The following AKAP6 variants were observed in gnomAD, a reference collection of about 807,000 sequenced individuals.
The protein encoded by AKAP6 is A-kinase anchor protein 6.
Under a neutral mutation model 188.5 loss-of-function variants are expected in AKAP6, and 58 were observed. The ratio of observed to expected loss-of-function variants is 0.31; its 90% CI spans 0.25 to 0.38. AKAP6 has a LOEUF of 0.38. Among genes scored for constraint, AKAP6 ranks in the 10% least tolerant of loss-of-function variants. The pLI, the probability that AKAP6 is intolerant of heterozygous loss-of-function variation, is 1.00. For synonymous variants in AKAP6, 989 were observed against 998.6 expected (o/e 0.99, Z 0.18); for missense variants, 2,710 against 2,740.0 (o/e 0.99, Z 0.24).
At chr14:32,421,102 A>G (rs1198899518) in intron 1 of AKAP6, among the ~76,000 whole-genome samples, 3 of 152,122 alleles carry the variant, frequency 2.0e-5, no homozygotes, top group Non-Finnish European at 4.4e-5. Flanking sequence ...CTGATTTATC[A>G]TCCTTTGTAT....
intron 2 of AKAP6, among the ~76,000 whole-genome samples, chr14:32,510,425 CATATATATATGTGTATAT>C (rs1566546615): frequency 1.9e-5 from 1 of 51,622 alleles, no homozygotes; most frequent in Non-Finnish European, 3.8e-5. Flanking sequence ...TATATATATA[CATATATATATGTGTATAT>C]ATATATACAT....
intron 9 of AKAP6, among the ~76,000 whole-genome samples, chr14:32,702,801 A>G (rs1419318083): frequency 6.6e-6 from 1 of 152,024 alleles, no homozygotes; most frequent in Non-Finnish European, 1.5e-5. Flanking sequence ...CATTTGCATC[A>G]CTTCTAGACA....
chr14:32,471,703 T>G (rs763457060), intron 2 of AKAP6, among the ~76,000 whole-genome samples: 10 of 152,214 alleles, frequency 6.6e-5, no homozygotes, highest in Non-Finnish European at 1.0e-4. Flanking sequence ...CAGTTATTGT[T>G]CATTGAGACA....
Position 32,595,172 on chromosome 14 carries a change from C to A in AKAP6, c.2470-4238C>A, listed in dbSNP as rs977868474. Among the ~76,000 whole-genome samples, 3 of 152,114 alleles carry A rather than the reference C, an allele frequency of 2.0e-5. 1 individual carries two copies. In the Middle Eastern group the frequency reaches 9.5e-3, roughly 481 times the overall value. On this transcript the variant is annotated intron_variant, in intron 5 of 13. Transcript: ENST00000280979. ...CCAGTCTGCCCTTTAAAAATCAACA[C>A]TATATGCAACAGCTAGAAAGATTTC...
Position 32,635,286 on chromosome 14 carries a change from G to A in AKAP6, c.2730+34494G>A, listed in dbSNP as rs529699300. 3.5e-4 allele frequency among the ~76,000 whole-genome samples: 54 copies of A among 152,164 alleles called. 2 individuals are homozygous for A. In the South Asian group the frequency reaches 9.7e-3, roughly 27 times the overall value. On this transcript the variant is annotated intron_variant, in intron 7 of 13. Transcript: ENST00000280979. Reference sequence around the variant, plus strand: ...GCAACTGTGAAGAACAGGGAATTACGAAAAGCTTGCTGTATGAGTCATAGT... The same window carrying A: ...GCAACTGTGAAGAACAGGGAATTACAAAAAGCTTGCTGTATGAGTCATAGT...
intron 8 of AKAP6, among the ~76,000 whole-genome samples, chr14:32,695,575 C>A (rs11624050): frequency 0.44 from 66,888 of 151,898 alleles, 14,971 homozygotes; most frequent in Admixed American, 0.53. Context: ...AAAGGGGTTC[C>A]AATTTTGAGA....
intron 1 of AKAP6, among the ~76,000 whole-genome samples, chr14:32,417,226 T>TA (rs1265247026): frequency 6.6e-6 from 1 of 152,202 alleles, no homozygotes; most frequent in Non-Finnish European, 1.5e-5. Context: ...TAAAGAGAAA[T>TA]ATTCTAAATC....
chr14:32,636,441 T>C (rs1171002368), intron 7 of AKAP6, among the ~76,000 whole-genome samples: 1 of 152,086 alleles, frequency 6.6e-6, no homozygotes, highest in Non-Finnish European at 1.5e-5. Context: ...GATTGAGAAG[T>C]AAATATTCGA....
chr14:32,613,761 T>A (rs1886444805), intron 7 of AKAP6, among the ~76,000 whole-genome samples: 1 of 152,100 alleles, frequency 6.6e-6, no homozygotes, highest in Non-Finnish European at 1.5e-5. Flanking sequence ...ACTTTTTTGA[T>A]CACACATTGT....
In AKAP6 at chr14:32,546,313, C is replaced by T. The variant is rs1306775657; in HGVS notation, c.1660C>T (p.Leu554Phe). Residue 554 changes from leucine to phenylalanine, a missense_variant, in exon 4 of 14, where the codon CTT becomes TTT. Transcript: ENST00000280979. ...AACAAATTCTGCTTCCACATCCTCA[C>T]TTGAGCCTTGTAATCAGAGAAGTTG... Reference protein sequence around the residue: ...PQTNSASTSSLEPCNQRSWNA... With the variant: ...PQTNSASTSSFEPCNQRSWNA... 1 of 1,614,200 alleles carries T rather than the reference C, an allele frequency of 6.2e-7. No homozygotes were observed. The highest frequency in any genetic ancestry group is 8.5e-7 in the Non-Finnish European group (1 of 1,180,016).
intron 8 of AKAP6, among the ~76,000 whole-genome samples, chr14:32,681,674 C>T (rs960007782): frequency 3.8e-5 from 5 of 132,218 alleles, no homozygotes; most frequent in Non-Finnish European, 6.2e-5. Flanking sequence ...ATTAATTTGA[C>T]AAATTTTTTT....
At chr14:32,355,365 C>T (rs536070897) in intron 1 of AKAP6, among the ~76,000 whole-genome samples, 16 of 152,096 alleles carry the variant, frequency 1.1e-4, no homozygotes, top group Non-Finnish European at 1.5e-4. Context: ...GTCCCCTCAC[C>T]GGCTCCAAGC....
At chr14:32,510,815 G>A (rs1397693313) in intron 2 of AKAP6, among the ~76,000 whole-genome samples, 1 of 152,002 alleles carries the variant, frequency 6.6e-6, no homozygotes. Flanking sequence ...TTAGTTTTTC[G>A]TGTTAGCTCT....
rs1050825447 is a variant in AKAP6, at chr14:32,641,123, C to A, written c.2731-37188C>A. ...AAGGTCGTTGTGAATTTTTTTTTCA[C>A]TGAAAATGTTTTGGGACTGATAAAA... On this transcript the variant is annotated intron_variant, in intron 7 of 13. Transcript: ENST00000280979. Among the ~76,000 whole-genome samples the A allele has an allele frequency of 4.6e-5, 7 of 151,802 alleles. 1 individual carries two copies. In the East Asian group the frequency reaches 1.4e-3, roughly 29 times the overall value.
chr14:32,601,638 T>C (rs1039037086), intron 7 of AKAP6, among the ~76,000 whole-genome samples: 14 of 152,216 alleles, frequency 9.2e-5, no homozygotes, highest in Non-Finnish European at 1.8e-4. Context: ...GAATAAAACT[T>C]ATTGTAACAT....
intron 4 of AKAP6, among the ~76,000 whole-genome samples, chr14:32,573,686 A>G (rs996555322): frequency 6.6e-6 from 1 of 152,168 alleles, no homozygotes; most frequent in Non-Finnish European, 1.5e-5. Context: ...AATGACCAAT[A>G]TTTGTTGCAT....
intron 2 of AKAP6, among the ~76,000 whole-genome samples, chr14:32,523,190 G>T (rs189925555): frequency 5.2e-4 from 77 of 149,052 alleles, no homozygotes; most frequent in African/African-American, 1.8e-3. Context: ...GGTGGGGGAA[G>T]GGGGGGAGGG....
intron 12 of AKAP6, among the ~76,000 whole-genome samples, chr14:32,775,058 C>T (rs989436291): frequency 1.3e-5 from 2 of 152,108 alleles, no homozygotes; most frequent in African/African-American, 4.8e-5. Context: ...TTGTTTTAAG[C>T]TGAAGTTGTT....
chr14:32,500,304 T>C (rs565253290), intron 2 of AKAP6, among the ~76,000 whole-genome samples: 1 of 152,280 alleles, frequency 6.6e-6, no homozygotes, highest in Admixed American at 6.5e-5. Context: ...ACCTGTTCAT[T>C]TGGCAGATTG....
Sources: allele counts gnomAD v4.1 joint callset (sites outside exome capture counted in the v4.1 genomes callset), GRCh38; gene constraint gnomAD v4.1.1; transcripts MANE v1.5; gene names NCBI Gene and HGNC (gene_info 2026-07-23, HGNC 2026-07-21).